The following ZNF710 variants were observed in gnomAD, a reference collection of about 807,000 sequenced individuals.
ZNF710 encodes zinc finger protein 710.
Under a neutral mutation model 50.6 loss-of-function variants are expected in ZNF710, and 13 were observed. The ratio of observed to expected loss-of-function variants is 0.26; its 90% confidence interval spans 0.17 to 0.41. ZNF710 has a LOEUF of 0.41. ZNF710 is among the 10% of genes least tolerant of loss of function. ZNF710 has a pLI of 1.00. For synonymous variants in ZNF710, 383 were observed against 397.0 expected (o/e 0.96, Z 0.42); for missense variants, 721 against 936.6 (o/e 0.77, Z 3.01).
chr15:90,067,148 T>A lies in ZNF710; in HGVS notation c.11T>A (p.Phe4Tyr), dbSNP rs1900193659. The A allele has an allele frequency of 6.3e-7, 1 of 1,598,316 alleles. No homozygotes were observed. Among genetic ancestry groups the A allele is most frequent in the African/African-American group, 1.3e-5 (1 of 74,418 alleles). Residue 4 changes from phenylalanine to tyrosine, a missense_variant, in exon 2 of 5, where the codon TTC (phenylalanine) becomes TAC (tyrosine). By Grantham distance (22) the Phe-to-Tyr change is conservative (BLOSUM62 3). Coordinates refer to ENST00000268154, the MANE Select transcript of ZNF710 (RefSeq NM_198526.4). This position sits in a 1 kb window ranked among gnomAD's most constrained non-coding sequence, Gnocchi z 8.1. MEG[F>Y]MDSGTQTDAV... is the part of the protein sequence containing the mutation. ...GCTAGCCGTCACGGGATGGAGGGCT[T>A]CATGGACTCAGGGACACAGACGGAC...
intron 1 of ZNF710, among the ~76,000 whole-genome samples, chr15:90,023,621 C>G (rs1436996713): frequency 6.6e-6 from 1 of 152,200 alleles, no homozygotes; most frequent in Non-Finnish European, 1.5e-5. Context: ...GAGTTCACGG[C>G]TGCAGTGAAC....
At chr15:90,043,977 T>C (rs1413936549) in intron 1 of ZNF710, among the ~76,000 whole-genome samples, 1 of 152,188 alleles carries the variant, frequency 6.6e-6, no homozygotes, top group Non-Finnish European at 1.5e-5. Context: ...TGAATAGTGC[T>C]TCTGTTTTCA....
chr15:90,013,462 C>T (rs1898368461), intron 1 of ZNF710, among the ~76,000 whole-genome samples: 1 of 152,152 alleles, frequency 6.6e-6, no homozygotes, highest in Non-Finnish European at 1.5e-5. Context: ...TGTGAGAATT[C>T]TTTGAGGTAT....
intron 1 of ZNF710, among the ~76,000 whole-genome samples, chr15:90,064,428 T>C (rs533132731): frequency 2.0e-5 from 3 of 152,376 alleles, no homozygotes; most frequent in African/African-American, 7.2e-5. Context: ...GAAACATCTC[T>C]TGGCTCTGTG....
rs942296015 is a variant in ZNF710 at position 90,080,028 on chromosome 15, C to A, written c.*199C>A. 2.2e-5 allele frequency: 11 copies of A among 504,754 alleles called. No homozygotes were observed. The highest frequency in any genetic ancestry group is 3.4e-5 in the Non-Finnish European group (10 of 298,146). 31.3% of individuals were successfully genotyped at this position (504,754 alleles called of 1,614,324 possible). ...ACTACTGGCCCCGGCTGTGAGCCAG[C>A]ACAGGCCCAGGCATCCCAGCAAGGG... On this transcript the variant is annotated 3_prime_UTR_variant, in exon 5 of 5. Coordinates refer to ENST00000268154, the MANE Select transcript of ZNF710 (RefSeq NM_198526.4).
In ZNF710 at chr15:90,062,018, G is replaced by A. The variant is rs957141613; in HGVS notation, c.-28-5092G>A. Among the ~76,000 whole-genome samples the A allele has an allele frequency of 6.6e-6, 1 of 152,022 alleles. No homozygotes were observed. Among genetic ancestry groups the A allele is most frequent in the Non-Finnish European group, 1.5e-5 (1 of 67,986 alleles). ...GTCTTTGTTCCCTCCCCAGGGGCTG[G>A]CCTGGCCCTCAGGCCTGGGAGGTGG... is the stretch of plus-strand genomic sequence containing the variant. On this transcript the variant is annotated intron_variant, in intron 1 of 4. Coordinates refer to ENST00000268154, the MANE Select transcript of ZNF710 (RefSeq NM_198526.4). This position sits in a 1 kb window ranked among gnomAD's most constrained non-coding sequence, Gnocchi z 5.6.
At chr15:90,047,195 C>T (rs1048403497) in intron 1 of ZNF710, among the ~76,000 whole-genome samples, 7 of 152,208 alleles carry the variant, frequency 4.6e-5, no homozygotes, top group Non-Finnish European at 1.0e-4. Flanking sequence ...GGGCACCTAG[C>T]AGTCGATTCT....
Position 90,067,849 on chromosome 15 carries a change from G to A in ZNF710, c.712G>A (p.Glu238Lys), listed in dbSNP as rs1436571126. ...DPEAPSMESPEPVKPEQGFVW... is the reference protein window; with the variant it reads ...DPEAPSMESPKPVKPEQGFVW... ...CGAGGCCCCCAGCATGGAGTCCCCG[G>A]AGCCTGTCAAGCCGGAACAGGGCTT... is the stretch of plus-strand genomic sequence containing the variant. The change falls in exon 2 of 5, where the codon GAG becomes AAG. Residue 238 changes from glutamate (E) to lysine (K), a missense_variant. By Grantham distance (56) the Glu-to-Lys change is moderately conservative. This residue lies in a region of ZNF710 where 326 missense variants were observed against 347.1 expected (regional missense o/e 0.94). Coordinates refer to ENST00000268154, the MANE Select transcript of ZNF710 (RefSeq NM_198526.4). This position sits in a 1 kb window ranked among gnomAD's most constrained non-coding sequence, Gnocchi z 8.1. 3.1e-6 allele frequency: 5 copies of A among 1,601,618 alleles called. No individual in the cohort carries two copies. Among genetic ancestry groups the A allele is most frequent in the Non-Finnish European group, 4.3e-6 (5 of 1,172,360 alleles).
At chr15:90,072,326 T>G (rs2151534723) in intron 2 of ZNF710, among the ~76,000 whole-genome samples, 1 of 152,242 alleles carries the variant, frequency 6.6e-6, no homozygotes, top group East Asian at 1.9e-4. Context: ...GAATAAAAAT[T>G]CCTGGGCCCA....
chr15:90,072,964 G>T, intron 2 of ZNF710, 107 bp from the exon 3 acceptor site: 1 of 1,146,474 alleles, frequency 8.7e-7, no homozygotes, highest in Non-Finnish European at 1.2e-6. Context: ...CCCAGAAAGT[G>T]TGCCTTTGTG....
At chr15:90,038,723 G>A (rs1419100107) in intron 1 of ZNF710, among the ~76,000 whole-genome samples, 1 of 147,020 alleles carries the variant, frequency 6.8e-6, no homozygotes, top group Non-Finnish European at 1.5e-5. Context: ...GTGTGTGTGT[G>A]TGTGTGTGTG....
intron 1 of ZNF710, among the ~76,000 whole-genome samples, chr15:90,022,108 T>C (rs1898642296): frequency 6.6e-6 from 1 of 151,438 alleles, no homozygotes; most frequent in Non-Finnish European, 1.5e-5. Flanking sequence ...CTGGGTACAG[T>C]GGCTCACGCC....
Position 90,068,017 on chromosome 15 carries a change from C to T in ZNF710, c.880C>T (p.Arg294Cys). The T allele has an allele frequency of 1.2e-6, 2 of 1,614,180 alleles. No individual in the cohort carries two copies. Among genetic ancestry groups the T allele is most frequent in the East Asian group, 2.2e-5 (1 of 44,882 alleles). Residue 294 changes from arginine to cysteine, a missense_variant, in exon 2 of 5, where the codon CGC becomes TGC. Arg to Cys is a radical substitution (Grantham distance 180). This residue lies in a region of ZNF710 where 326 missense variants were observed against 522.0 expected (regional missense o/e 0.62). Transcript: ENST00000268154. This position sits in a 1 kb window ranked among gnomAD's most constrained non-coding sequence, Gnocchi z 5.0. ...GGTGGAGGCGGGCGACCGCCAGAAG[C>T]GCTGGCAGTGCCGCATGTGCGAGAA... ...YLVEAGDRQK[R>C]WQCRMCEKSY...
At chr15:90,061,427 C>T (rs2151519218) in intron 1 of ZNF710, among the ~76,000 whole-genome samples, 1 of 152,346 alleles carries the variant, frequency 6.6e-6, no homozygotes, top group South Asian at 2.1e-4. Flanking sequence ...CTGCCTCAGC[C>T]TCCCAAAGTG....
intron 1 of ZNF710, among the ~76,000 whole-genome samples, chr15:90,022,370 T>C (rs1898650405): frequency 6.6e-6 from 1 of 152,058 alleles, no homozygotes; most frequent in Non-Finnish European, 1.5e-5. Context: ...AGTGAGACTC[T>C]GTCTCAAAAA....
At chr15:90,055,041 G>A (rs1202567605) in intron 1 of ZNF710, among the ~76,000 whole-genome samples, 2 of 152,240 alleles carry the variant, frequency 1.3e-5, no homozygotes, top group African/African-American at 4.8e-5. Context: ...GCAGTGGTGA[G>A]CAAACAGGCA....
rs1352123331 is a variant in ZNF710 at position 90,068,120 on chromosome 15, G to A, written c.983G>A (p.Cys328Tyr). 1 of 1,614,106 alleles carries A rather than the reference G, an allele frequency of 6.2e-7. No homozygotes were observed. The highest frequency in any genetic ancestry group is 8.5e-7 in the Non-Finnish European group (1 of 1,180,050). Reference protein sequence around the residue: ...NGIKPHSCPHCSKLFKQPSHL... With the variant: ...NGIKPHSCPHYSKLFKQPSHL... ...ATCAAGCCACACTCGTGCCCACACTGCAGCAAGCTCTTCAAGCAGCCCAGC... is the reference window on the plus strand; with the variant it reads ...ATCAAGCCACACTCGTGCCCACACTACAGCAAGCTCTTCAAGCAGCCCAGC... Residue 328 changes from cysteine (C) to tyrosine (Y), a missense_variant, in exon 2 of 5, where the codon TGC (cysteine) becomes TAC (tyrosine). Transcript: ENST00000268154. This position sits in a 1 kb window ranked among gnomAD's most constrained non-coding sequence, Gnocchi z 5.0.
At chr15:90,029,256 G>A (rs1898863003) in intron 1 of ZNF710, among the ~76,000 whole-genome samples, 1 of 152,198 alleles carries the variant, frequency 6.6e-6, no homozygotes, top group Non-Finnish European at 1.5e-5. Flanking sequence ...CTCAGCTGGA[G>A]AAGGTTTCTC....
chr15:90,074,434 C>T (rs1429279586), intron 4 of ZNF710, 144 bp downstream of exon 4: 1 of 1,541,418 alleles, frequency 6.5e-7, no homozygotes, highest in Admixed American at 1.9e-5. Flanking sequence ...GGGGGGTACC[C>T]TGGAAGGCCA....
Sources: gnomAD v4.1 joint callset for allele counts (sites outside exome capture counted in the v4.1 genomes callset) on GRCh38, gnomAD v4.1.1 for gene constraint, gnomAD v4.1.1 regional missense constraint, Gnocchi (gnomAD v3.1) non-coding constraint, MANE v1.5 for transcripts, NCBI Gene and HGNC (gene_info 2026-07-23, HGNC 2026-07-21) for gene names.